DAPK1: variants seen among roughly 807,000 people sequenced by gnomAD.
DAPK1 encodes the protein death-associated protein kinase 1.
A neutral mutation model predicts 144.9 loss-of-function variants in DAPK1; 56 were observed. The ratio of observed to expected loss-of-function variants is 0.39; its 90% CI spans 0.31 to 0.48. The LOEUF (loss-of-function observed/expected upper bound fraction) is 0.48, where lower values mean the gene tolerates loss of function less well. DAPK1 is among the 20% of genes least tolerant of loss of function. The pLI is 0.95. For synonymous variants in DAPK1, 690 were observed against 749.0 expected (o/e 0.92, Z 1.29); for missense variants, 1,454 against 1,875.4 (o/e 0.78, Z 4.15).
intron 17 of DAPK1, among the ~76,000 whole-genome samples, chr9:87,654,897 C>A (rs2119196905): frequency 6.6e-6 from 1 of 152,278 alleles, no homozygotes; most frequent in East Asian, 1.9e-4. Flanking sequence ...AAATGTACAA[C>A]TTCACTTGTT....
At chr9:87,626,287 C>T (rs1367677723) in intron 3 of DAPK1, among the ~76,000 whole-genome samples, 3 of 152,074 alleles carry the variant, frequency 2.0e-5, no homozygotes, top group South Asian at 2.1e-4. Flanking sequence ...TGGTGGTGCA[C>T]GCCTGTAATC....
chr9:87,686,759 A>G lies in DAPK1; in HGVS notation c.2413+20A>G. On this transcript the variant is annotated intron_variant, in intron 21 of 25. Transcript: ENST00000408954. The surrounding 1 kb of genome is among the most constrained non-coding windows in gnomAD (Gnocchi z 4.2). ...TGAATGGTATGCCCTGCCTGCCCCA[A>G]GGGAAGGACCTCAGGTTTCCCTTCA... 6.3e-7 allele frequency: 1 copy of G among 1,575,998 alleles called. No homozygotes were observed. Among genetic ancestry groups the G allele is most frequent in the Non-Finnish European group, 8.7e-7 (1 of 1,148,226 alleles).
chr9:87,517,406 A>G (rs1334869411), intron 2 of DAPK1, among the ~76,000 whole-genome samples: 1 of 151,924 alleles, frequency 6.6e-6, no homozygotes, highest in African/African-American at 2.4e-5. Context: ...TCATTGACAC[A>G]TTCATCCAGC....
chr9:87,653,941 G>A (rs778295645), intron 17 of DAPK1, among the ~76,000 whole-genome samples: 11 of 152,056 alleles, frequency 7.2e-5, no homozygotes, highest in Non-Finnish European at 1.3e-4. Context: ...TGATCTGCCC[G>A]CTTCAGCCCC....
At chr9:87,597,507 GTCT>G (rs2118918963) in intron 2 of DAPK1, among the ~76,000 whole-genome samples, 1 of 152,248 alleles carries the variant, frequency 6.6e-6, no homozygotes, top group African/African-American at 2.4e-5. Context: ...CTGAAATCCT[GTCT>G]TCTTGGCTTC....
chr9:87,662,232 T>A (rs988331819), intron 18 of DAPK1, among the ~76,000 whole-genome samples: 2 of 152,222 alleles, frequency 1.3e-5, no homozygotes, highest in African/African-American at 4.8e-5. Flanking sequence ...AGCCATCTAG[T>A]GTAATTTGAA....
At chr9:87,664,312 AC>A (rs1207353776) in intron 18 of DAPK1, among the ~76,000 whole-genome samples, 2 of 148,110 alleles carry the variant, frequency 1.4e-5, no homozygotes, top group Admixed American at 6.7e-5. Context: ...TTCCCCCTTC[AC>A]CCCCTGCGCA....
intron 25 of DAPK1, among the ~76,000 whole-genome samples, chr9:87,705,841 C>G (rs1382389986): frequency 6.6e-6 from 1 of 151,540 alleles, no homozygotes; most frequent in Non-Finnish European, 1.5e-5. Flanking sequence ...TAAAATCACT[C>G]ATTGCATTTG....
At chr9:87,518,940 G>A (rs531337794) in intron 2 of DAPK1, among the ~76,000 whole-genome samples, 5 of 151,448 alleles carry the variant, frequency 3.3e-5, no homozygotes, top group Non-Finnish European at 5.9e-5. Context: ...AAAGATTTAC[G>A]TGTAGTCAAG....
At chr9:87,504,609 C>T (rs1824521610) in intron 2 of DAPK1, among the ~76,000 whole-genome samples, 1 of 152,142 alleles carries the variant, frequency 6.6e-6, no homozygotes, top group Non-Finnish European at 1.5e-5. Flanking sequence ...CTCTGCAAAG[C>T]CATGAAAAAC....
At chr9:87,570,979 A>C (rs1587728446) in intron 2 of DAPK1, among the ~76,000 whole-genome samples, 1 of 152,336 alleles carries the variant, frequency 6.6e-6, no homozygotes, top group South Asian at 2.1e-4. Flanking sequence ...CTGATAGAAA[A>C]GTCACTTGGT....
rs36217081 is a variant in DAPK1 at position 87,676,411 on chromosome 9, C to T, written c.2002-4993C>T. Among the ~76,000 whole-genome samples, 15 of 152,354 alleles carry T rather than the reference C, an allele frequency of 9.8e-5. No individual in the cohort carries two copies. The East Asian group carries it at 2.1e-3, about 22-fold the overall frequency. ...CTCTGCGCCACAACCCGTCCCTACC[C>T]GCCATCTGGTAGTGAAACGTGAAAA... On this transcript the variant is annotated intron_variant, in intron 19 of 25. Transcript: ENST00000408954.
intron 4 of DAPK1, 145 bp downstream of exon 4, chr9:87,638,226 C>G: frequency 2.3e-6 from 2 of 868,440 alleles, no homozygotes; most frequent in South Asian, 4.2e-5. Context: ...TATAAATCGG[C>G]AAGCATAGGA....
intron 25 of DAPK1, among the ~76,000 whole-genome samples, chr9:87,704,544 ACT>A (rs142848308): frequency 1.2e-3 from 177 of 151,886 alleles, no homozygotes; most frequent in African/African-American, 4.2e-3. Context: ...GGCCCTTCTG[ACT>A]CTGTTTTCTG....
Position 87,567,967 on chromosome 9 carries a change from T to C in DAPK1, c.63-36987T>C, listed in dbSNP as rs1827191993. On this transcript the variant is annotated intron_variant, in intron 2 of 25. Transcript: ENST00000408954. ...TGCCACTATTCAGTTGAAATGGTAA[T>C]GCTAAGGAAACTAAGGCTCCAAGAA... 3.3e-5 allele frequency among the ~76,000 whole-genome samples: 5 copies of C among 152,352 alleles called. No individual in the cohort carries two copies. The South Asian group carries it at 1.0e-3, about 32-fold the overall frequency.
chr9:87,657,098 G>C (rs1454777226), intron 17 of DAPK1, among the ~76,000 whole-genome samples: 1 of 152,072 alleles, frequency 6.6e-6, no homozygotes, highest in African/African-American at 2.4e-5. Flanking sequence ...CAGGGTTTCA[G>C]TAATTAGTTT....
chr9:87,652,328 C>CA (rs1830475687), intron 17 of DAPK1, among the ~76,000 whole-genome samples: 1 of 129,016 alleles, frequency 7.8e-6, no homozygotes, highest in African/African-American at 3.0e-5. Flanking sequence ...ATTCTGTGTC[C>CA]TCCCACCTGA....
chr9:87,562,109 G>A (rs986530496), intron 2 of DAPK1, among the ~76,000 whole-genome samples: 4 of 152,322 alleles, frequency 2.6e-5, no homozygotes, highest in East Asian at 1.9e-4. Flanking sequence ...AGAGGGAAGG[G>A]GGTTGTGCAG....
At chr9:87,586,289 C>T (rs967499681) in intron 2 of DAPK1, among the ~76,000 whole-genome samples, 2 of 151,990 alleles carry the variant, frequency 1.3e-5, no homozygotes, top group African/African-American at 2.4e-5. Context: ...GGCCCTGTCT[C>T]CAAGAAAGAG....
Sources: gnomAD v4.1 joint callset for allele counts (sites outside exome capture counted in the v4.1 genomes callset) on GRCh38, gnomAD v4.1.1 for gene constraint, Gnocchi (gnomAD v3.1) non-coding constraint, MANE v1.5 for transcripts, NCBI Gene and HGNC (gene_info 2026-07-23, HGNC 2026-07-21) for gene names.